Variants in MED13L observed in about 807,000 individuals in gnomAD.
MED13L encodes mediator of RNA polymerase II transcription subunit 13-like.
In MED13L, 7 loss-of-function variants were observed where a neutral mutation model predicts 220.9. That is an observed-to-expected ratio of 0.03 (90% CI 0.02 to 0.06). The LOEUF is 0.06. MED13L is among the 10% of genes least tolerant of loss of function. The pLI is 1.00. For missense variants in MED13L, 1,965 were observed against 2,760.5 expected, an observed-to-expected ratio of 0.71 and a Z score of 6.46; for synonymous variants, 1,011 against 1,015.2, an observed-to-expected ratio of 1.00 and a Z score of 0.08.
Position 115,972,095 on chromosome 12 carries a change from G to C in MED13L, c.5873C>G (p.Ser1958Cys). ...AAATTTACCTGGCATCACTACAAAG[G>C]ACCCCTGGGGCTCCATGGCAACCAG... ...ACLVAMEPQG[S>C]FVVMPDAVTM... The change falls in exon 26 of 31, where the codon TCC (serine) becomes TGC (cysteine). Residue 1958 changes from serine to cysteine, a missense_variant. Physicochemically the swap from Ser to Cys is moderately radical, Grantham distance 112. Transcript: ENST00000281928. 6.2e-7 allele frequency: 1 copy of C among 1,613,882 alleles called. No homozygotes were observed. The highest frequency in any genetic ancestry group is 8.5e-7 in the Non-Finnish European group (1 of 1,179,896).
At chr12:116,150,380 A>C (rs889734922) in intron 2 of MED13L, among the ~76,000 whole-genome samples, 2 of 152,242 alleles carry the variant, frequency 1.3e-5, no homozygotes, top group Non-Finnish European at 2.9e-5. Flanking sequence ...AAATCCAAGA[A>C]GGCAAAAAAT....
At chr12:116,008,016 C>T (rs1879160189) in intron 10 of MED13L, 2 of 329,776 alleles carry the variant, frequency 6.1e-6, no homozygotes, top group Non-Finnish European at 1.1e-5. Context: ...AAATATTATA[C>T]TAGATACATG....
chr12:116,252,783 C>A (rs1008103343), intron 1 of MED13L, among the ~76,000 whole-genome samples: 5 of 151,876 alleles, frequency 3.3e-5, no homozygotes. Flanking sequence ...AGGGAAAGAA[C>A]AGACACACTA....
Position 115,996,152 on chromosome 12 carries a change from G to A in MED13L, c.2996+324C>T, listed in dbSNP as rs542013224. ...GTCGCCCAGGCTGGAGGGCAGTGGC[G>A]CGATCTTGGCTCACTGCAACCTCCA... On this transcript the variant is annotated intron_variant, in intron 16 of 30. Coordinates refer to ENST00000281928, the MANE Select transcript of MED13L (RefSeq NM_015335.5). Among the ~76,000 whole-genome samples the A allele has an allele frequency of 8.6e-5, 13 of 151,978 alleles. No individual in the cohort carries two copies. The South Asian group carries it at 1.9e-3, about 22-fold the overall frequency.
chr12:115,962,059 G>GAA (rs1314439104), intron 30 of MED13L, among the ~76,000 whole-genome samples: 1 of 152,086 alleles, frequency 6.6e-6, no homozygotes, highest in Admixed American at 6.5e-5. Flanking sequence ...AACATTTTGA[G>GAA]TATATTGAGT....
chr12:116,033,548 C>T (rs1035161755), intron 4 of MED13L, among the ~76,000 whole-genome samples: 3 of 152,088 alleles, frequency 2.0e-5, no homozygotes, highest in African/African-American at 7.2e-5. Flanking sequence ...TTATTCCAAG[C>T]TTCAAAGATC....
chr12:115,996,223 TAGGA>T (rs1276081441), intron 16 of MED13L, among the ~76,000 whole-genome samples: 2 of 152,006 alleles, frequency 1.3e-5, no homozygotes, highest in Admixed American at 6.6e-5. Context: ...CCCGAGTAGC[TAGGA>T]TTACAGACTC....
chr12:116,117,226 C>T (rs1367557088), intron 2 of MED13L, among the ~76,000 whole-genome samples: 2 of 151,978 alleles, frequency 1.3e-5, no homozygotes, highest in African/African-American at 4.8e-5. Context: ...ATGTCATTCT[C>T]GCAAAAGGCA....
chr12:116,000,903 G>A (rs1391822719), intron 14 of MED13L, among the ~76,000 whole-genome samples: 2 of 151,662 alleles, frequency 1.3e-5, no homozygotes, highest in Non-Finnish European at 2.9e-5. Context: ...AAATAGAGAT[G>A]GGTTGCATAT....
At chr12:116,267,216 TTAAAGGCACACCATGCAACTGTGAA>T (rs1872898995) in intron 1 of MED13L, among the ~76,000 whole-genome samples, 1 of 152,170 alleles carries the variant, frequency 6.6e-6, no homozygotes, top group Admixed American at 6.5e-5. Flanking sequence ...ACCCAGCGCA[TTAAAGGCACACCATGCAACTGTGAA>T]TCATATATGG....
intron 2 of MED13L, among the ~76,000 whole-genome samples, chr12:116,229,795 G>A (rs1202458125): frequency 3.3e-5 from 5 of 152,068 alleles, no homozygotes; most frequent in Non-Finnish European, 7.4e-5. Context: ...TACACATTAA[G>A]TCTAATATTT....
At chr12:116,213,861 T>C (rs1305343862) in intron 2 of MED13L, among the ~76,000 whole-genome samples, 2 of 152,240 alleles carry the variant, frequency 1.3e-5, no homozygotes, top group African/African-American at 4.8e-5. Context: ...ATTATTCAGC[T>C]ACCAGTTAGA....
intron 29 of MED13L, 141 bp from the exon 30 acceptor site, chr12:115,963,660 G>T: frequency 1.4e-6 from 1 of 709,224 alleles, no homozygotes; most frequent in Non-Finnish European, 2.6e-6. Flanking sequence ...ATTTTAACCT[G>T]CTCAGTAACC....
intron 23 of MED13L, among the ~76,000 whole-genome samples, chr12:115,979,942 G>C (rs1032892928): frequency 1.3e-5 from 2 of 152,186 alleles, no homozygotes; most frequent in Non-Finnish European, 2.9e-5. Flanking sequence ...GTAGGAAGTA[G>C]GTTTTAAAAG....
intron 2 of MED13L, among the ~76,000 whole-genome samples, chr12:116,150,831 T>A (rs1877980504): frequency 6.6e-6 from 1 of 152,164 alleles, no homozygotes; most frequent in African/African-American, 2.4e-5. Context: ...ACTTCAGGGG[T>A]GTGTGGCCTT....
At chr12:116,046,546 A>T (rs545386922) in intron 4 of MED13L, among the ~76,000 whole-genome samples, 22 of 152,376 alleles carry the variant, frequency 1.4e-4, no homozygotes, top group Non-Finnish European at 2.9e-4. Context: ...AAACATAAAA[A>T]TATAATTAAA....
chr12:116,017,402 TAATG>T (rs1398318150), intron 7 of MED13L, among the ~76,000 whole-genome samples: 1 of 152,222 alleles, frequency 6.6e-6, no homozygotes, highest in Admixed American at 6.5e-5. Flanking sequence ...GTGGATAACT[TAATG>T]TAGTGCAATT....
At chr12:115,995,266 T>C (rs1878325827) in intron 16 of MED13L, among the ~76,000 whole-genome samples, 1 of 152,196 alleles carries the variant, frequency 6.6e-6, no homozygotes, top group East Asian at 1.9e-4. Flanking sequence ...TGAGCATCAG[T>C]AGTACCAACT....
chr12:115,974,552 G>C (rs1876805399), intron 25 of MED13L, among the ~76,000 whole-genome samples: 1 of 152,258 alleles, frequency 6.6e-6, no homozygotes, highest in Admixed American at 6.5e-5. Context: ...TTGTGTTACA[G>C]TTAAAGTGCT....
Sources: allele counts gnomAD v4.1 joint callset (sites outside exome capture counted in the v4.1 genomes callset), GRCh38; gene constraint gnomAD v4.1.1; transcripts MANE v1.5; gene names NCBI Gene and HGNC (gene_info 2026-07-23, HGNC 2026-07-21).